CAST: variants seen among roughly 807,000 people sequenced by gnomAD.
The protein encoded by CAST is calpastatin.
A neutral mutation model predicts 119.6 loss-of-function variants in CAST; 76 were observed. The observed-to-expected ratio is 0.64, with a 90% CI of 0.53 to 0.77. CAST has a LOEUF of 0.77. Ranked by LOEUF, CAST falls within the 30% of genes least tolerant of loss-of-function variation. The probability of loss-of-function intolerance (pLI) is 0.00; values close to 1 mark genes in which losing one functional copy is unlikely to be tolerated. For synonymous variants in CAST, 319 were observed against 331.6 expected (o/e 0.96, Z 0.41); for missense variants, 953 against 946.5 (o/e 1.01, Z -0.09).
chr5:96,146,322 G>A, the CAST span, among the ~76,000 whole-genome samples: 1 of 152,188 alleles, frequency 6.6e-6, no homozygotes, highest in Non-Finnish European at 1.5e-5. Flanking sequence ...ACTCAAGGAA[G>A]AGCATCACAT....
At chr5:96,188,920 A>G in the CAST span, among the ~76,000 whole-genome samples, 732 of 152,282 alleles carry the variant, frequency 4.8e-3, 5 homozygotes, top group African/African-American at 0.017. Context: ...TTATTGCTTC[A>G]TATTTAGAAC....
At chr5:96,599,942 A>G (rs1747114736) in intron 1 of CAST, among the ~76,000 whole-genome samples, 1 of 142,262 alleles carries the variant, frequency 7.0e-6, no homozygotes, top group African/African-American at 2.8e-5. Flanking sequence ...TATCCAAAAT[A>G]TCCTGTATTA....
chr5:96,604,617 G>A (rs78419669), intron 1 of CAST, among the ~76,000 whole-genome samples: 1,555 of 152,268 alleles, frequency 0.01, 34 homozygotes, highest in East Asian at 0.054. Context: ...GTGAACAAAT[G>A]CTAAAGGACT....
At chr5:96,613,033 C>T (rs553411150) in intron 1 of CAST, among the ~76,000 whole-genome samples, 1 of 152,180 alleles carries the variant, frequency 6.6e-6, no homozygotes, top group Non-Finnish European at 1.5e-5. Flanking sequence ...TCTTTCTGAA[C>T]TCTCTATTCT....
the CAST span, among the ~76,000 whole-genome samples, chr5:96,364,378 T>C: frequency 2.6e-5 from 4 of 152,222 alleles, no homozygotes; most frequent in Non-Finnish European, 4.4e-5. Flanking sequence ...CCTCTTTTTG[T>C]ATTGATTGGA....
At chr5:96,329,975 T>C in the CAST span, among the ~76,000 whole-genome samples, 5 of 152,212 alleles carry the variant, frequency 3.3e-5, no homozygotes, top group African/African-American at 1.2e-4. Context: ...ATTTCTGTCT[T>C]TTTAGGACAT....
chr5:96,619,538 T>G (rs1175360855), intron 1 of CAST, among the ~76,000 whole-genome samples: 1 of 152,242 alleles, frequency 6.6e-6, no homozygotes, highest in Non-Finnish European at 1.5e-5. Context: ...CACAGTGTGG[T>G]AGCTTTGTTC....
At chr5:96,304,556 T>C in the CAST span, among the ~76,000 whole-genome samples, 1 of 152,240 alleles carries the variant, frequency 6.6e-6, no homozygotes, top group Non-Finnish European at 1.5e-5. Context: ...TTGCCTAGGT[T>C]TTCTTCTAGG....
At chr5:96,682,276 G>A (rs1751515388) in intron 2 of CAST, among the ~76,000 whole-genome samples, 1 of 152,164 alleles carries the variant, frequency 6.6e-6, no homozygotes, top group Non-Finnish European at 1.5e-5. Context: ...TGCACTCTAG[G>A]AGAGTTTCTG....
the CAST span, among the ~76,000 whole-genome samples, chr5:96,226,874 A>G: frequency 1.3e-5 from 2 of 152,328 alleles, no homozygotes; most frequent in African/African-American, 2.4e-5. Context: ...TGTAACAGCT[A>G]AATATTCCCA....
At chr5:96,295,272 T>C in the CAST span, among the ~76,000 whole-genome samples, 1 of 152,200 alleles carries the variant, frequency 6.6e-6, no homozygotes, top group African/African-American at 2.4e-5. Flanking sequence ...CTTTTGTGCC[T>C]GAGTGGGATA....
At chr5:96,434,893 A>C in the CAST span, among the ~76,000 whole-genome samples, 11 of 152,252 alleles carry the variant, frequency 7.2e-5, no homozygotes, top group Non-Finnish European at 1.5e-4. Context: ...TGCCAATGTT[A>C]ATAAGCCATG....
At chr5:96,601,954 A>G (rs1747161963) in intron 1 of CAST, among the ~76,000 whole-genome samples, 1 of 152,132 alleles carries the variant, frequency 6.6e-6, no homozygotes, top group Admixed American at 6.5e-5. Context: ...CCACTCAACT[A>G]AGGTCTTCCG....
the CAST span, among the ~76,000 whole-genome samples, chr5:96,410,613 C>A: frequency 6.6e-6 from 1 of 152,100 alleles, no homozygotes; most frequent in Non-Finnish European, 1.5e-5. Context: ...AGAAAACTTT[C>A]TGATGGATGC....
At chr5:96,702,167 C>G (rs543043728) in intron 3 of CAST, among the ~76,000 whole-genome samples, 2 of 152,070 alleles carry the variant, frequency 1.3e-5, no homozygotes, top group Non-Finnish European at 2.9e-5. Flanking sequence ...GGTTGGTGTA[C>G]GGCTTTTCAT....
chr5:96,176,801 T>C, the CAST span, among the ~76,000 whole-genome samples: 1 of 152,282 alleles, frequency 6.6e-6, no homozygotes, highest in South Asian at 2.1e-4. Flanking sequence ...AGTAGAGCAG[T>C]AAATTGGTAG....
At chr5:96,505,583 ACT>A in the CAST span, among the ~76,000 whole-genome samples, 1 of 152,182 alleles carries the variant, frequency 6.6e-6, no homozygotes, top group Non-Finnish European at 1.5e-5. Context: ...CTTTTTTAGA[ACT>A]CTGCTGACAA....
At chr5:96,325,378 CTTCT>C in the CAST span, among the ~76,000 whole-genome samples, 20 of 150,074 alleles carry the variant, frequency 1.3e-4, no homozygotes, top group East Asian at 2.3e-3. Flanking sequence ...TCTTTTCTTT[CTTCT>C]TTCTTTCTTT....
chr5:96,150,677 G>A, the CAST span, among the ~76,000 whole-genome samples: 1 of 152,170 alleles, frequency 6.6e-6, no homozygotes, highest in African/African-American at 2.4e-5. Context: ...AGCAACTTAA[G>A]AGGGAGAAAC....
Sources: allele counts gnomAD v4.1 joint callset (sites outside exome capture counted in the v4.1 genomes callset), GRCh38; gene constraint gnomAD v4.1.1; transcripts MANE v1.5; gene names NCBI Gene and HGNC (gene_info 2026-07-23, HGNC 2026-07-21).